Variants in MYT1L observed in about 807,000 individuals in gnomAD.
MYT1L encodes the protein myelin transcription factor 1 like, also known as myelin transcription factor 1-like protein.
Under a neutral mutation model 126.7 loss-of-function variants are expected in MYT1L, and 12 were observed. That is an observed-to-expected ratio of 0.09 (90% confidence interval 0.06 to 0.15). The LOEUF (loss-of-function observed/expected upper bound fraction) is 0.15, where lower values mean the gene tolerates loss of function less well. Among genes scored for constraint, MYT1L ranks in the 10% least tolerant of loss-of-function variants. The probability of loss-of-function intolerance (pLI) is 1.00; values close to 1 mark genes in which losing one functional copy is unlikely to be tolerated. For missense variants in MYT1L, 979 were observed against 1,585.2 expected, an observed-to-expected ratio of 0.62 and a Z score of 6.49; for synonymous variants, 541 against 604.2, an observed-to-expected ratio of 0.90 and a Z score of 1.53.
chr2:2,060,599 A>C (rs1179126050), intron 3 of MYT1L, among the ~76,000 whole-genome samples: 5 of 152,074 alleles, frequency 3.3e-5, no homozygotes, highest in Non-Finnish European at 4.4e-5. Flanking sequence ...TTTGAGGCTA[A>C]AGAAAGCCAA....
chr2:2,037,814 AC>A (rs947453765), intron 4 of MYT1L, among the ~76,000 whole-genome samples: 17 of 150,986 alleles, frequency 1.1e-4, no homozygotes, highest in South Asian at 4.2e-4. Flanking sequence ...CAAAAAAAAA[AC>A]CCCCTACACA....
chr2:2,071,664 C>T (rs983675966), intron 3 of MYT1L, among the ~76,000 whole-genome samples: 1 of 152,148 alleles, frequency 6.6e-6, no homozygotes, highest in Non-Finnish European at 1.5e-5. Flanking sequence ...AACATTTGAA[C>T]TTTGTCCTAA....
chr2:1,809,194 T>C, intron 21 of MYT1L, 27 bp from the exon 22 acceptor site: 1 of 1,602,400 alleles, frequency 6.2e-7, no homozygotes, highest in Non-Finnish European at 8.6e-7. Context: ...GGACGGCCAT[T>C]AGTCAACTGT....
intron 2 of MYT1L, among the ~76,000 whole-genome samples, chr2:2,223,594 T>C (rs560049269): frequency 2.6e-5 from 4 of 152,364 alleles, no homozygotes; most frequent in Admixed American, 1.3e-4. Flanking sequence ...GAAATTTAAT[T>C]TTTGAATAAT....
chr2:1,800,927 C>CTCT (rs1314789492), intron 23 of MYT1L, among the ~76,000 whole-genome samples: 3 of 151,982 alleles, frequency 2.0e-5, no homozygotes, highest in Non-Finnish European at 4.4e-5. Context: ...GAAGGGACAC[C>CTCT]TCTGCTCACC....
At chr2:1,842,314 G>C (rs1385041071) in intron 19 of MYT1L, 1 of 152,574 alleles carries the variant, frequency 6.6e-6, no homozygotes, top group African/African-American at 2.4e-5. Context: ...GCACAGGCGG[G>C]TGTGGGAAGG....
intron 3 of MYT1L, among the ~76,000 whole-genome samples, chr2:2,097,623 G>A (rs1268401586): frequency 2.6e-5 from 4 of 152,150 alleles, no homozygotes; most frequent in South Asian, 4.1e-4. Context: ...ATGGAGATGC[G>A]TGGTGAAAAT....
intron 23 of MYT1L, among the ~76,000 whole-genome samples, chr2:1,800,480 G>A (rs1229122383): frequency 2.0e-5 from 3 of 152,212 alleles, no homozygotes; most frequent in Non-Finnish European, 4.4e-5. Flanking sequence ...ACATGGCCTG[G>A]TGGGGAGTTC....
chr2:1,922,381 C>T lies in MYT1L; in HGVS notation c.1388G>A (p.Arg463Lys), dbSNP rs1385554360. The T allele has an allele frequency of 6.2e-7, 1 of 1,613,838 alleles. No homozygotes were observed. The highest frequency in any genetic ancestry group is 8.5e-7 in the Non-Finnish European group (1 of 1,179,888). The change falls in exon 10 of 25, where the codon AGG becomes AAG. Residue 463 changes from arginine (R) to lysine (K), a missense_variant. By Grantham distance (26) the Arg-to-Lys change is conservative. Around this residue, in one of 12 missense-constraint regions of MYT1L, gnomAD observed 67 missense variants for 80.3 expected, o/e 0.83. Coordinates refer to ENST00000647738, the MANE Select transcript of MYT1L (RefSeq NM_001303052.2). This position sits in a 1 kb window ranked among gnomAD's most constrained non-coding sequence, Gnocchi z 7.4. ...AMEAGRRDNM[R>K]SYEDQSPRQL... ...TCTCGGAGACTGGTCCTCATATGAC[C>T]TCATATTGTCCCTCCTCCCAGCTTC... is the stretch of plus-strand genomic sequence containing the variant.
chr2:2,088,252 A>G (rs138832924), intron 3 of MYT1L, among the ~76,000 whole-genome samples: 16 of 152,324 alleles, frequency 1.1e-4, no homozygotes, highest in African/African-American at 3.8e-4. Context: ...CGCTTTCTCT[A>G]GAAGACGGAA....
At chr2:2,110,474 G>C (rs1415997736) in intron 3 of MYT1L, among the ~76,000 whole-genome samples, 6 of 151,822 alleles carry the variant, frequency 4.0e-5, no homozygotes, top group Non-Finnish European at 7.4e-5. Context: ...GTTTCCCAAA[G>C]CCAGGGGTCG....
rs569272303 is a variant in MYT1L, at chr2:2,019,098, T to C, written c.-157-21751A>G. 2.0e-5 allele frequency among the ~76,000 whole-genome samples: 3 copies of C among 152,324 alleles called. No homozygotes were observed. The South Asian group carries it at 6.2e-4, about 32-fold the overall frequency. The stretch of plus-strand genomic sequence containing the variant: ...GTGACTTATGTAAGGTCAAGTAACA[T>C]GCCCGATATGGTTTCGCTGTGTCCC... On this transcript the variant is annotated intron_variant, in intron 4 of 24. Coordinates refer to ENST00000647738, the MANE Select transcript of MYT1L (RefSeq NM_001303052.2).
At chr2:2,006,493 G>C (rs1025278744) in intron 4 of MYT1L, among the ~76,000 whole-genome samples, 2 of 152,068 alleles carry the variant, frequency 1.3e-5, no homozygotes, top group South Asian at 4.2e-4. Flanking sequence ...CTGCTATTTT[G>C]TATCATTTGA....
At chr2:2,127,095 CTTTTATT>C (rs1313699713) in intron 3 of MYT1L, among the ~76,000 whole-genome samples, 1 of 152,152 alleles carries the variant, frequency 6.6e-6, no homozygotes, top group African/African-American at 2.4e-5. Context: ...ATTTTTTAAA[CTTTTATT>C]TTAAGTTCAG....
intron 3 of MYT1L, among the ~76,000 whole-genome samples, chr2:2,068,767 T>TTC (rs2074207392): frequency 2.9e-5 from 3 of 104,152 alleles, no homozygotes; most frequent in Non-Finnish European, 5.9e-5. Context: ...TGTGTTCTTC[T>TTC]TGTTTTTTTT....
At chr2:2,187,499 C>G (rs1019811742) in intron 2 of MYT1L, among the ~76,000 whole-genome samples, 1 of 151,814 alleles carries the variant, frequency 6.6e-6, no homozygotes, top group Non-Finnish European at 1.5e-5. Flanking sequence ...CAAATCAGCT[C>G]AGTATTGATG....
intron 10 of MYT1L, among the ~76,000 whole-genome samples, chr2:1,918,648 CT>C (rs1363114360): frequency 6.6e-6 from 1 of 152,194 alleles, no homozygotes; most frequent in Admixed American, 6.5e-5. Context: ...AAACACTCCC[CT>C]TTTCTTTTTT....
intron 3 of MYT1L, among the ~76,000 whole-genome samples, chr2:2,159,273 C>G (rs1224903145): frequency 1.3e-5 from 2 of 152,156 alleles, no homozygotes; most frequent in East Asian, 3.9e-4. Context: ...GAATCGCTAA[C>G]TTGGAAATGG....
intron 4 of MYT1L, among the ~76,000 whole-genome samples, chr2:2,020,738 T>A (rs2064944014): frequency 6.6e-6 from 1 of 152,280 alleles, no homozygotes. Flanking sequence ...TTGTAATGTC[T>A]ACGTTGTATG....
Sources: gnomAD v4.1 joint callset for allele counts (sites outside exome capture counted in the v4.1 genomes callset) on GRCh38, gnomAD v4.1.1 for gene constraint, gnomAD v4.1.1 regional missense constraint, Gnocchi (gnomAD v3.1) non-coding constraint, MANE v1.5 for transcripts, NCBI Gene and HGNC (gene_info 2026-07-23, HGNC 2026-07-21) for gene names.